The following TENM4 variants were observed in gnomAD, a reference collection of about 807,000 sequenced individuals.
TENM4 encodes the protein teneurin transmembrane protein 4, also known as teneurin-4.
TENM4 carries 82 observed loss-of-function variants against 243.3 expected under a neutral mutation model. That is an observed-to-expected ratio of 0.34 (90% CI 0.28 to 0.40). The LOEUF (loss-of-function observed/expected upper bound fraction) is 0.40, where lower values mean the gene tolerates loss of function less well. TENM4 is among the 10% of genes least tolerant of loss of function. The pLI is 1.00. For missense variants in TENM4, 3,138 were observed against 3,673.3 expected (o/e 0.85, Z 3.77); for synonymous variants, 1,412 against 1,456.3 (o/e 0.97, Z 0.69).
chr11:79,160,789 A>T lies in TENM4; in HGVS notation c.-162-11983T>A, dbSNP rs1209661455. On this transcript the variant is annotated intron_variant, in intron 3 of 33. Coordinates refer to ENST00000278550, the MANE Select transcript of TENM4 (RefSeq NM_001098816.3). ...TATTCTAGTTGTCCCTCAATGATCA[A>T]TCTCCCCATCTTTCATTTAGAAATT... is the stretch of plus-strand genomic sequence containing the variant. 4.6e-5 allele frequency among the ~76,000 whole-genome samples: 7 copies of T among 152,218 alleles called. No homozygotes were observed. In the South Asian group the frequency reaches 1.5e-3, roughly 32 times the overall value.
chr11:79,169,392 G>T (rs896026465), intron 3 of TENM4, among the ~76,000 whole-genome samples: 2 of 152,128 alleles, frequency 1.3e-5, no homozygotes, highest in Non-Finnish European at 2.9e-5. Flanking sequence ...GGAGGGCGGT[G>T]GAACTTGGGG....
At chr11:78,687,221 C>T (rs543301456) in intron 29 of TENM4, among the ~76,000 whole-genome samples, 3 of 152,186 alleles carry the variant, frequency 2.0e-5, no homozygotes, top group Non-Finnish European at 2.9e-5. Flanking sequence ...CACTGCTCCA[C>T]CCCATTCCAC....
At chr11:79,413,659 G>C (rs1217982640) in intron 1 of TENM4, among the ~76,000 whole-genome samples, 1 of 151,630 alleles carries the variant, frequency 6.6e-6, no homozygotes, top group African/African-American at 2.4e-5. Flanking sequence ...CATAAATCTT[G>C]TTTGTATCCT....
At chr11:79,009,488 G>C (rs910767659) in intron 6 of TENM4, among the ~76,000 whole-genome samples, 2 of 152,176 alleles carry the variant, frequency 1.3e-5, no homozygotes, top group African/African-American at 2.4e-5. Context: ...CCTGCGACTA[G>C]AGTCCAAGGA....
intron 1 of TENM4, among the ~76,000 whole-genome samples, chr11:79,338,442 A>G (rs1278622534): frequency 1.3e-5 from 2 of 152,230 alleles, no homozygotes; most frequent in Non-Finnish European, 2.9e-5. Flanking sequence ...ACTGCCACCC[A>G]AACAGCAGAT....
At chr11:79,160,797 A>G (rs1862727972) in intron 3 of TENM4, among the ~76,000 whole-genome samples, 1 of 152,184 alleles carries the variant, frequency 6.6e-6, no homozygotes, top group South Asian at 2.1e-4. Flanking sequence ...CAATCTCCCC[A>G]TCTTTCATTT....
At chr11:79,075,999 G>A (rs1860527609) in intron 4 of TENM4, among the ~76,000 whole-genome samples, 1 of 152,200 alleles carries the variant, frequency 6.6e-6, no homozygotes, top group South Asian at 2.1e-4. Context: ...AGTGACAAAT[G>A]CTTTGATAAA....
intron 3 of TENM4, among the ~76,000 whole-genome samples, chr11:79,201,671 A>G (rs1863740982): frequency 1.3e-5 from 2 of 152,126 alleles, no homozygotes; most frequent in South Asian, 4.2e-4. Flanking sequence ...AGATAAATGA[A>G]CCACTGATAT....
intron 6 of TENM4, among the ~76,000 whole-genome samples, chr11:79,012,409 G>C (rs903021103): frequency 2.6e-5 from 4 of 152,064 alleles, no homozygotes; most frequent in African/African-American, 9.7e-5. Context: ...GATGGGTGTT[G>C]GTGCTTACTG....
intron 17 of TENM4, among the ~76,000 whole-genome samples, chr11:78,775,198 C>T (rs1856717440): frequency 6.6e-6 from 1 of 152,196 alleles, no homozygotes; most frequent in South Asian, 2.1e-4. Flanking sequence ...ACTCTTTACC[C>T]CACCCAGTAA....
intron 2 of TENM4, among the ~76,000 whole-genome samples, chr11:79,246,405 G>C (rs529313031): frequency 1.3e-5 from 2 of 152,270 alleles, no homozygotes; most frequent in East Asian, 3.9e-4. Flanking sequence ...AGAGATACCA[G>C]GCCTATGAAC....
Position 78,812,171 on chromosome 11 carries a change from C to T in TENM4, c.1929G>A (p.Thr643=), listed in dbSNP as rs184928531. ...AGCCAGGGTTGCAGATGCAGGTGCC[C>T]GTGATGCAGGTGCCATGGTTGCTGC... ...VACSNHGTCI[T]GTCICNPGYK... Residue 643 remains threonine (T), a synonymous_variant, in exon 14 of 34, where the codon ACG becomes ACA. Transcript: ENST00000278550. The T allele has an allele frequency of 7.2e-4, 1,119 of 1,551,774 alleles. 1 individual carries two copies. Among genetic ancestry groups the T allele is most frequent in the Non-Finnish European group, 8.4e-4 (964 of 1,147,040 alleles).
chr11:79,230,823 T>G (rs1411683167), intron 2 of TENM4, among the ~76,000 whole-genome samples: 1 of 152,204 alleles, frequency 6.6e-6, no homozygotes, highest in Non-Finnish European at 1.5e-5. Flanking sequence ...TTACTGGGCC[T>G]TTGGACTAAG....
intron 3 of TENM4, among the ~76,000 whole-genome samples, chr11:79,157,991 C>T (rs1327502827): frequency 3.3e-5 from 5 of 152,192 alleles, no homozygotes; most frequent in Non-Finnish European, 5.9e-5. Context: ...CATTCCACTA[C>T]ACGTCCTACC....
At chr11:78,815,749 C>T (rs546489073) in intron 12 of TENM4, among the ~76,000 whole-genome samples, 6 of 152,342 alleles carry the variant, frequency 3.9e-5, no homozygotes, top group African/African-American at 1.4e-4. Context: ...GTCACCAAAT[C>T]TGACAAGTAC....
At chr11:79,379,021 T>C (rs988445120) in intron 1 of TENM4, among the ~76,000 whole-genome samples, 5 of 152,048 alleles carry the variant, frequency 3.3e-5, no homozygotes, top group Admixed American at 6.5e-5. Context: ...TCTGCCCTCA[T>C]AGAGGTTACA....
intron 28 of TENM4, among the ~76,000 whole-genome samples, chr11:78,689,866 CCT>C (rs1486317099): frequency 1.3e-5 from 2 of 152,226 alleles, no homozygotes; most frequent in Non-Finnish European, 2.9e-5. Context: ...ATATATCACC[CCT>C]GTTTTTGTCC....
chr11:79,203,513 G>A (rs960815547), intron 3 of TENM4, among the ~76,000 whole-genome samples: 2 of 152,260 alleles, frequency 1.3e-5, no homozygotes, highest in South Asian at 4.2e-4. Flanking sequence ...TATATACTAT[G>A]CTTTTTTCTA....
chr11:79,245,914 T>C (rs1308285439), intron 2 of TENM4, among the ~76,000 whole-genome samples: 2 of 125,258 alleles, frequency 1.6e-5, no homozygotes. Flanking sequence ...CACTCCAGCC[T>C]GAGTGACAGA....
Sources: gnomAD v4.1 joint callset for allele counts (sites outside exome capture counted in the v4.1 genomes callset) on GRCh38, gnomAD v4.1.1 for gene constraint, MANE v1.5 for transcripts, NCBI Gene and HGNC (gene_info 2026-07-23, HGNC 2026-07-21) for gene names.